Variants in KCNAB2 observed in about 807,000 individuals in gnomAD.
The protein encoded by KCNAB2 is voltage-gated potassium channel subunit beta-2.
KCNAB2 carries 29 observed loss-of-function variants against 63.6 expected under a neutral mutation model. The ratio of observed to expected loss-of-function variants is 0.46; its 90% confidence interval spans 0.34 to 0.62. The LOEUF is 0.62. Ranked by LOEUF, KCNAB2 falls within the 20% of genes least tolerant of loss-of-function variation. The pLI is 0.01. For synonymous variants in KCNAB2, 222 were observed against 224.2 expected, an observed-to-expected ratio of 0.99 and a Z score of 0.09; for missense variants, 359 against 563.9, an observed-to-expected ratio of 0.64 and a Z score of 3.68.
upstream of KCNAB2, among the ~76,000 whole-genome samples, chr1:6,030,852 GTGTGTATGTA>G (rs1298935733): frequency 2.0e-5 from 3 of 148,442 alleles, no homozygotes; most frequent in East Asian, 5.8e-4. Flanking sequence ...GTAGGTATGT[GTGTGTATGTA>G]TGTGTAGGTG....
chr1:6,057,690 C>T (rs558234547), intron 2 of KCNAB2, among the ~76,000 whole-genome samples: 37 of 152,304 alleles, frequency 2.4e-4, no homozygotes, highest in South Asian at 1.0e-3. Context: ...ATACTTCCTC[C>T]GAAGGCCCCA....
intron 1 of KCNAB2, among the ~76,000 whole-genome samples, chr1:6,008,231 G>A (rs1448383182): frequency 2.6e-5 from 4 of 152,204 alleles, no homozygotes; most frequent in African/African-American, 9.6e-5. Context: ...ATGGCAGAAA[G>A]GACCCGCCCC....
intron 1 of KCNAB2, among the ~76,000 whole-genome samples, chr1:6,013,098 C>T (rs142128265): frequency 6.6e-6 from 1 of 152,274 alleles, no homozygotes; most frequent in African/African-American, 2.4e-5. Context: ...CAGCCTCATG[C>T]TGGCATCTGT....
intron 7 of KCNAB2, 94 bp from the exon 8 acceptor site, chr1:6,088,914 T>G: frequency 8.2e-7 from 1 of 1,213,632 alleles, no homozygotes; most frequent in Non-Finnish European, 1.2e-6. Context: ...CTGACCCTGT[T>G]TTTGCGTCTA....
rs960062618 is a variant in KCNAB2 at position 6,100,259 on chromosome 1, C to T, written c.*1685C>T. The T allele has an allele frequency of 1.4e-5, 8 of 572,412 alleles. No individual in the cohort carries two copies. The highest frequency in any genetic ancestry group is 2.2e-5 in the Non-Finnish European group (8 of 359,668). The allele number at this position is 572,412 out of a possible 1,614,324, so 35.5% of individuals were successfully genotyped here. On this transcript the variant is annotated 3_prime_UTR_variant, in exon 16 of 16. Transcript: ENST00000378083. ...ATCAGCTTCTGCTATTACCGACCCC[C>T]CTTCATGCTGCCCCTGGCGCCTAGA...
chr1:6,096,120 G>T lies in KCNAB2; in HGVS notation c.948+496G>T, dbSNP rs1665611590. On this transcript the variant is annotated intron_variant, in intron 13 of 15. Transcript: ENST00000378083. This position sits in a 1 kb window ranked among gnomAD's most constrained non-coding sequence, Gnocchi z 5.9. Reference sequence around the variant, plus strand: ...GGAGCAGGCCAAGAAAGTCTGCCCAGCCAGCAGTCTCAGCACTGGGGCCCA... The same window carrying T: ...GGAGCAGGCCAAGAAAGTCTGCCCATCCAGCAGTCTCAGCACTGGGGCCCA... The T allele has an allele frequency of 2.2e-6, 1 of 457,578 alleles. No homozygotes were observed. Among genetic ancestry groups the T allele is most frequent in the Admixed American group, 2.3e-5 (1 of 42,586 alleles). The allele number at this position is 457,578 out of a possible 1,614,324, so 28.3% of individuals were successfully genotyped here.
Position 6,096,909 on chromosome 1 carries a change from C to G in KCNAB2, c.1069+153C>G, listed in dbSNP as rs1470403948. Among the ~76,000 whole-genome samples, 1 of 152,160 alleles carries G rather than the reference C, an allele frequency of 6.6e-6. No individual in the cohort carries two copies. Among genetic ancestry groups the G allele is most frequent in the African/African-American group, 2.4e-5 (1 of 41,428 alleles). On this transcript the variant is annotated intron_variant, in intron 14 of 15. Coordinates refer to ENST00000378083, the MANE Select transcript of KCNAB2 (RefSeq NM_001199862.2). This position sits in a 1 kb window ranked among gnomAD's most constrained non-coding sequence, Gnocchi z 5.9. ...CATCCCCCAGCCAGCCTCGGGTAAT[C>G]GGGCTCTAAGGGGCATGGTTGGGAC...
chr1:6,087,407 G>A lies in KCNAB2; in HGVS notation c.426-60G>A. 6.4e-7 allele frequency: 1 copy of A among 1,573,302 alleles called. No homozygotes were observed. The highest frequency in any genetic ancestry group is 8.7e-7 in the Non-Finnish European group (1 of 1,143,068). On this transcript the variant is annotated intron_variant, in intron 6 of 15. Transcript: ENST00000378083. The surrounding 1 kb of genome is among the most constrained non-coding windows in gnomAD (Gnocchi z 6.4). ...TGTGAGAGATGAGGACGTCGGGGAT[G>A]AAGGAGGACCCCCCAGGGGCCGGGC... is the stretch of plus-strand genomic sequence containing the variant.
At chr1:6,050,799 T>C (rs1661317030) in intron 1 of KCNAB2, among the ~76,000 whole-genome samples, 1 of 152,214 alleles carries the variant, frequency 6.6e-6, no homozygotes. Context: ...CCCAGGCCAC[T>C]CTCCTCCGCA....
intron 1 of KCNAB2, among the ~76,000 whole-genome samples, chr1:6,016,167 C>T (rs1483334444): frequency 3.9e-5 from 6 of 152,220 alleles, no homozygotes; most frequent in Admixed American, 3.9e-4. Flanking sequence ...CTGCTGCCTG[C>T]TGCCTGCTGA....
rs940448959 is a variant in KCNAB2 at position 6,099,711 on chromosome 1, G to C, written c.*1137G>C. 1 of 1,411,978 alleles carries C rather than the reference G, an allele frequency of 7.1e-7. No homozygotes were observed. Among genetic ancestry groups the C allele is most frequent in the Non-Finnish European group, 9.3e-7 (1 of 1,071,586 alleles). 87.5% of individuals were successfully genotyped at this position (1,411,978 alleles called of 1,614,324 possible). ...TTTCTGTGCCCATGACTTGGGGGCT[G>C]CACCCCCACAGCACCCCCACAATGT... On this transcript the variant is annotated 3_prime_UTR_variant, in exon 16 of 16. Transcript: ENST00000378083.
chr1:6,064,324 GT>G (rs1315177669), intron 2 of KCNAB2, among the ~76,000 whole-genome samples: 1 of 152,212 alleles, frequency 6.6e-6, no homozygotes, highest in African/African-American at 2.4e-5. Flanking sequence ...GTCCTAGACG[GT>G]GAGCGCCATG....
rs1159185656 is a variant in KCNAB2 at position 6,073,513 on chromosome 1, G to A, written c.263-220G>A. ...CTCCTGGACCCATAGCCAGCAGCCC[G>A]CTCTAGAGACTTTTGTCCCCTCAGT... is the stretch of plus-strand genomic sequence containing the variant. On this transcript the variant is annotated intron_variant, in intron 3 of 15. Coordinates refer to ENST00000378083, the MANE Select transcript of KCNAB2 (RefSeq NM_001199862.2). This position sits in a 1 kb window ranked among gnomAD's most constrained non-coding sequence, Gnocchi z 5.7. Among the ~76,000 whole-genome samples the A allele has an allele frequency of 1.3e-5, 2 of 152,158 alleles. No individual in the cohort carries two copies. The highest frequency in any genetic ancestry group is 6.5e-5 in the Admixed American group (1 of 15,286).
At chr1:6,020,491 C>T (rs1658756432) in intron 1 of KCNAB2, among the ~76,000 whole-genome samples, 1 of 152,050 alleles carries the variant, frequency 6.6e-6, no homozygotes, top group South Asian at 2.1e-4. Context: ...CAAGAACACA[C>T]CAGGATCGCG....
chr1:6,044,557 A>G (rs1163423883), upstream of KCNAB2, among the ~76,000 whole-genome samples: 1 of 152,188 alleles, frequency 6.6e-6, no homozygotes, highest in East Asian at 1.9e-4. Context: ...ATGATGGAGA[A>G]TAAAGAGAGG....
chr1:6,080,548 C>T (rs573655885), intron 4 of KCNAB2, among the ~76,000 whole-genome samples: 20 of 152,356 alleles, frequency 1.3e-4, no homozygotes, highest in Admixed American at 1.2e-3. Context: ...TGACTCAAAT[C>T]ACAGCCGCTC....
Position 6,040,494 on chromosome 1 carries a change from C to T in KCNAB2, c.-52-23C>T, listed in dbSNP as rs559281538. ...TTTTTAACCACCACCCTCTTCCCCT[C>T]CCTTATTTTGCTTTTCTTCCAGAAT... On this transcript the variant is annotated intron_variant, in intron 1 of 15. Transcript: ENST00000164247. 8.5e-5 allele frequency: 108 copies of T among 1,264,670 alleles called. No homozygotes were observed. In the South Asian group the frequency reaches 1.3e-3, roughly 15 times the overall value. The allele number at this position is 1,264,670 out of a possible 1,614,324, so 78.3% of individuals were successfully genotyped here. A position where few individuals can be genotyped will look rare whatever the true frequency, so the allele number is the denominator to read the frequency against.
chr1:5,995,149 T>C (rs1360928414), intron 1 of KCNAB2, among the ~76,000 whole-genome samples: 2 of 152,074 alleles, frequency 1.3e-5, no homozygotes, highest in Non-Finnish European at 2.9e-5. Context: ...GGCAGGACAG[T>C]GGGCAGCTCG....
intron 5 of KCNAB2, among the ~76,000 whole-genome samples, chr1:6,083,507 G>A (rs754547257): frequency 9.2e-5 from 14 of 152,290 alleles, no homozygotes; most frequent in African/African-American, 2.4e-4. Context: ...CGGCAGCCTC[G>A]GGCCTCTCGG....
Sources: allele counts gnomAD v4.1 joint callset (sites outside exome capture counted in the v4.1 genomes callset), GRCh38; gene constraint gnomAD v4.1.1; non-coding constraint Gnocchi (gnomAD v3.1); transcripts MANE v1.5; gene names NCBI Gene and HGNC (gene_info 2026-07-23, HGNC 2026-07-21).